The following PTK2 variants were observed in gnomAD, a reference collection of about 807,000 sequenced individuals.
The protein encoded by PTK2 is protein tyrosine kinase 2.
Under a neutral mutation model 150.1 loss-of-function variants are expected in PTK2, and 45 were observed. The observed-to-expected ratio is 0.30, with a 90% CI of 0.24 to 0.38. PTK2 has a LOEUF of 0.38. Ranked by LOEUF, PTK2 falls within the 10% of genes least tolerant of loss-of-function variation. The probability of loss-of-function intolerance (pLI) is 1.00; values close to 1 mark genes in which losing one functional copy is unlikely to be tolerated. For missense variants in PTK2, 919 were observed against 1,307.3 expected (o/e 0.70, Z 4.58); for synonymous variants, 432 against 449.2 (o/e 0.96, Z 0.48).
intron 14 of PTK2, among the ~76,000 whole-genome samples, chr8:140,772,092 C>G (rs539424938): frequency 2.0e-5 from 3 of 152,044 alleles, no homozygotes; most frequent in African/African-American, 7.2e-5. Context: ...CCCGGCCGAT[C>G]CCAGTAACAT....
At chr8:140,972,408 G>A (rs892667614) in intron 1 of PTK2, among the ~76,000 whole-genome samples, 8 of 152,072 alleles carry the variant, frequency 5.3e-5, no homozygotes, top group Non-Finnish European at 1.0e-4. Context: ...GCAACTACAG[G>A]CGCACGCCAC....
intron 1 of PTK2, among the ~76,000 whole-genome samples, chr8:140,964,979 G>A (rs779383739): frequency 1.3e-5 from 2 of 152,060 alleles, no homozygotes; most frequent in East Asian, 1.9e-4. Context: ...GAATTTTGAT[G>A]GTCCTGCTAT....
chr8:140,685,736 A>C (rs1222443887), intron 27 of PTK2, among the ~76,000 whole-genome samples: 2 of 152,238 alleles, frequency 1.3e-5, no homozygotes. Flanking sequence ...AAGTCAAAAA[A>C]TTAACAGATG....
chr8:140,799,495 G>A (rs1468847560), intron 12 of PTK2, among the ~76,000 whole-genome samples: 1 of 152,174 alleles, frequency 6.6e-6, no homozygotes, highest in Admixed American at 6.5e-5. Flanking sequence ...CACAGCGTGA[G>A]CTGCTTTACA....
intron 4 of PTK2, among the ~76,000 whole-genome samples, chr8:140,875,457 T>C (rs1419954427): frequency 1.3e-5 from 2 of 152,086 alleles, no homozygotes; most frequent in African/African-American, 4.8e-5. Flanking sequence ...TCAAAAGGAC[T>C]GATGTCACCA....
intron 1 of PTK2, among the ~76,000 whole-genome samples, chr8:141,000,656 G>T (rs929460035): frequency 3.2e-5 from 4 of 124,212 alleles, no homozygotes; most frequent in African/African-American, 1.2e-4. Context: ...CCGCGCGCCC[G>T]GCCTTTTCGA....
At chr8:140,927,975 A>AAAAAAAAAAAAAAAAAAAATAT in intron 1 of PTK2, among the ~76,000 whole-genome samples, 1 of 48,196 alleles carries the variant, frequency 2.1e-5, no homozygotes, top group African/African-American at 9.8e-5. Context: ...AAAAAAAAAA[A>AAAAAAAAAAAAAAAAAAAATAT]ATATATATAT....
chr8:140,761,198 A>G (rs768889213), exon 16 of PTK2: 27 of 1,612,852 alleles, frequency 1.7e-5, no homozygotes, highest in Non-Finnish European at 2.2e-5. Context: ...GTACATCTCC[A>G]AATTGGCCTT....
At chr8:140,687,615 G>A (rs1201227571) in intron 26 of PTK2, among the ~76,000 whole-genome samples, 1 of 152,184 alleles carries the variant, frequency 6.6e-6, no homozygotes, top group African/African-American at 2.4e-5. Flanking sequence ...TGTTGGGTGG[G>A]GGATGGAGAA....
chr8:140,912,863 TTGAACCTGGGAGG>T (rs2100163766), intron 2 of PTK2, among the ~76,000 whole-genome samples: 1 of 151,972 alleles, frequency 6.6e-6, no homozygotes, highest in Non-Finnish European at 1.5e-5. Context: ...GGAGAATAGC[TTGAACCTGGGAGG>T]CGGAGGTTGC....
chr8:140,855,987 G>A (rs759768397), intron 5 of PTK2, among the ~76,000 whole-genome samples: 5 of 152,038 alleles, frequency 3.3e-5, no homozygotes, highest in Non-Finnish European at 7.4e-5. Context: ...AAAAGCGTAC[G>A]ATTTTACAAT....
At chr8:140,684,851 T>C (rs1037882412) in intron 27 of PTK2, among the ~76,000 whole-genome samples, 1 of 152,150 alleles carries the variant, frequency 6.6e-6, no homozygotes, top group Non-Finnish European at 1.5e-5. Context: ...GTTGTACCTA[T>C]CAAACTACCA....
intron 1 of PTK2, among the ~76,000 whole-genome samples, chr8:140,938,922 C>T (rs2100174678): frequency 6.6e-6 from 1 of 151,956 alleles, no homozygotes; most frequent in Non-Finnish European, 1.5e-5. Flanking sequence ...GCAGGAGGAT[C>T]GCTTGAGCCC....
chr8:140,868,213 G>A lies in PTK2; in HGVS notation c.363-3814C>T, dbSNP rs76050039. ...GCTGAGCTAGATTAAGAATATGATAGTCCTGATACTGAGAAGGGTTAGCTA... is the reference window on the plus strand; with the variant it reads ...GCTGAGCTAGATTAAGAATATGATAATCCTGATACTGAGAAGGGTTAGCTA... On this transcript the variant is annotated intron_variant, in intron 4 of 31. Transcript: ENST00000522684. Among the ~76,000 whole-genome samples, 585 of 152,264 alleles carry A rather than the reference G, an allele frequency of 3.8e-3. 6 individuals are homozygous for A. The highest frequency in any genetic ancestry group is 0.014 in the African/African-American group (563 of 41,562).
intron 29 of PTK2, among the ~76,000 whole-genome samples, chr8:140,671,911 A>G (rs376229761): frequency 9.9e-5 from 13 of 131,218 alleles, no homozygotes; most frequent in East Asian, 8.1e-4. Context: ...CAGCCTGGGC[A>G]ACAGAGTGAG....
chr8:140,731,139 T>C (rs2100049056), intron 22 of PTK2, among the ~76,000 whole-genome samples: 1 of 152,086 alleles, frequency 6.6e-6, no homozygotes, highest in Non-Finnish European at 1.5e-5. Context: ...TTTGTATTTT[T>C]AGTAGAGACG....
chr8:140,717,927 G>A, intron 22 of PTK2: 1 of 424,148 alleles, frequency 2.4e-6, no homozygotes, highest in Non-Finnish European at 4.3e-6. Flanking sequence ...TTAAAGCACA[G>A]CCATAGGTAA....
chr8:140,995,381 C>CAAA (rs34527935), intron 1 of PTK2, among the ~76,000 whole-genome samples: 3 of 92,378 alleles, frequency 3.2e-5, no homozygotes, highest in African/African-American at 8.1e-5. Flanking sequence ...GACTCCGTCT[C>CAAA]AAAAAAAAAA....
At chr8:140,709,705 A>C (rs1248639652) in intron 23 of PTK2, among the ~76,000 whole-genome samples, 2 of 152,264 alleles carry the variant, frequency 1.3e-5, no homozygotes, top group Admixed American at 6.5e-5. Flanking sequence ...ACTGCTGGTA[A>C]GTACGATGAG....
Sources: gnomAD v4.1 joint callset for allele counts (sites outside exome capture counted in the v4.1 genomes callset) on GRCh38, gnomAD v4.1.1 for gene constraint, MANE v1.5 for transcripts, NCBI Gene and HGNC (gene_info 2026-07-23, HGNC 2026-07-21) for gene names.